The following SUSD5 variants were observed in gnomAD, a reference collection of about 807,000 sequenced individuals.
The protein encoded by SUSD5 is sushi domain-containing protein 5.
In SUSD5, 33 loss-of-function variants were observed where a neutral mutation model predicts 29.5. That is an observed-to-expected ratio of 1.12 (90% CI 0.85 to 1.49). SUSD5 has a LOEUF of 1.49. Among genes scored for constraint, SUSD5 ranks in the 40% most tolerant of loss-of-function variants. The probability of loss-of-function intolerance (pLI) is 0.00; values close to 1 mark genes in which losing one functional copy is unlikely to be tolerated. For synonymous variants in SUSD5, 308 were observed against 325.3 expected, an observed-to-expected ratio of 0.95 and a Z score of 0.57; for missense variants, 776 against 800.6, an observed-to-expected ratio of 0.97 and a Z score of 0.37.
At chr3:33,195,337 G>A (rs2031975734) in intron 3 of SUSD5, among the ~76,000 whole-genome samples, 1 of 152,112 alleles carries the variant, frequency 6.6e-6, no homozygotes, top group South Asian at 2.1e-4. Flanking sequence ...TGCTTACTTA[G>A]TCCCCAATTA....
intron 3 of SUSD5, among the ~76,000 whole-genome samples, chr3:33,176,229 T>A (rs547754918): frequency 2.0e-5 from 3 of 152,250 alleles, no homozygotes; most frequent in Admixed American, 6.5e-5. Context: ...TATCACAGTT[T>A]ATTTATCTAT....
At chr3:33,202,825 T>C (rs1181425307) in intron 3 of SUSD5, among the ~76,000 whole-genome samples, 1 of 152,206 alleles carries the variant, frequency 6.6e-6, no homozygotes, top group Non-Finnish European at 1.5e-5. Flanking sequence ...GAGAAAAGTC[T>C]ACATTCACGA....
chr3:33,191,956 T>G (rs547266240), intron 3 of SUSD5, among the ~76,000 whole-genome samples: 1 of 152,256 alleles, frequency 6.6e-6, no homozygotes, highest in Admixed American at 6.5e-5. Context: ...CCAAAAGAAT[T>G]TATATACCTA....
intron 4 of SUSD5, among the ~76,000 whole-genome samples, chr3:33,173,788 C>T (rs536433933): frequency 2.6e-4 from 39 of 152,282 alleles, no homozygotes; most frequent in African/African-American, 6.7e-4. Flanking sequence ...GTGAGAGGAG[C>T]ACTGTGAGAT....
At chr3:33,190,514 T>C (rs2031869564) in intron 3 of SUSD5, among the ~76,000 whole-genome samples, 1 of 152,244 alleles carries the variant, frequency 6.6e-6, no homozygotes, top group Admixed American at 6.5e-5. Context: ...CTATATATTA[T>C]TCCATTTGTA....
intron 3 of SUSD5, among the ~76,000 whole-genome samples, chr3:33,184,902 C>A (rs2031747361): frequency 6.6e-6 from 1 of 152,244 alleles, no homozygotes; most frequent in South Asian, 2.1e-4. Flanking sequence ...CTATCTGAGT[C>A]TAGCTCTGAT....
chr3:33,195,620 T>G (rs2031980056), intron 3 of SUSD5, among the ~76,000 whole-genome samples: 1 of 152,110 alleles, frequency 6.6e-6, no homozygotes, highest in African/African-American at 2.4e-5. Flanking sequence ...TCCATGGAAT[T>G]ACCAAAACGT....
Position 33,170,219 on chromosome 3 carries a change from G to A in SUSD5, c.598+4667C>T, listed in dbSNP as rs574700811. 4.9e-4 allele frequency among the ~76,000 whole-genome samples: 75 copies of A among 152,094 alleles called. 1 individual carries two copies. Among genetic ancestry groups the A allele is most frequent in the African/African-American group, 1.6e-3 (65 of 41,518 alleles). On this transcript the variant is annotated intron_variant, in intron 4 of 4. Transcript: ENST00000309558. ...CAGGCATGAGCCACCGCGCCCGGCCGCATCAGGACTTTTCTGTAATTAGGG... is the reference window on the plus strand; with the variant it reads ...CAGGCATGAGCCACCGCGCCCGGCCACATCAGGACTTTTCTGTAATTAGGG...
chr3:33,215,403 A>G (rs2032409879), intron 1 of SUSD5, among the ~76,000 whole-genome samples: 1 of 152,226 alleles, frequency 6.6e-6, no homozygotes, highest in African/African-American at 2.4e-5. Context: ...AAAAACCTCA[A>G]AAGACAAAAA....
Position 33,204,953 on chromosome 3 carries a change from T to C in SUSD5, c.409+2855A>G, listed in dbSNP as rs1195388719. Among the ~76,000 whole-genome samples the C allele has an allele frequency of 3.3e-5, 5 of 152,190 alleles. No individual in the cohort carries two copies. Among genetic ancestry groups the C allele is most frequent in the African/African-American group, 1.2e-4 (5 of 41,538 alleles). ...CTTTTTGCTTTATCATTCTCTTCTC[T>C]CTCTTCCTCTCTCCACACCTCTTCC... On this transcript the variant is annotated intron_variant, in intron 3 of 4. Transcript: ENST00000309558. The surrounding 1 kb of genome is among the most constrained non-coding windows in gnomAD (Gnocchi z 4.5).
In SUSD5 at chr3:33,153,021, C is replaced by T. The variant is rs201659670; in HGVS notation, c.1611G>A (p.Leu537=). 96 of 1,613,824 alleles carry T rather than the reference C, an allele frequency of 5.9e-5. No individual in the cohort carries two copies. In the African/African-American group the frequency reaches 9.6e-4, roughly 16 times the overall value. Residue 537 remains leucine (L), a synonymous_variant, in exon 5 of 5, where the codon CTG becomes CTA. Coordinates refer to ENST00000309558, the MANE Select transcript of SUSD5 (RefSeq NM_015551.2). ...PEIQDSFPYL[L]SEDFFGQEGP... ...CTTCCTGTCCAAAGAAGTCTTCAGA[C>T]AGCAGGTATGGGAAGCTATCCTGGA...
Position 33,203,306 on chromosome 3 carries a change from T to C in SUSD5, c.409+4502A>G, listed in dbSNP as rs148037253. Among the ~76,000 whole-genome samples the C allele has an allele frequency of 3.4e-3, 506 of 150,428 alleles. 2 individuals carry two copies. Among genetic ancestry groups the C allele is most frequent in the Non-Finnish European group, 5.0e-3 (336 of 67,622 alleles). On this transcript the variant is annotated intron_variant, in intron 3 of 4. Transcript: ENST00000309558. ...CTCTCTGAGTAACTGTGGGAATCCA[T>C]CCTGCTTTTCTGTTAAGCCCCAGGA... is the stretch of plus-strand genomic sequence containing the variant.
In SUSD5 at chr3:33,167,069, C is replaced by T. The variant is rs1559446379; in HGVS notation, c.598+7817G>A. Among the ~76,000 whole-genome samples the T allele has an allele frequency of 6.6e-6, 1 of 152,086 alleles. No individual in the cohort carries two copies. The highest frequency in any genetic ancestry group is 1.9e-4 in the East Asian group (1 of 5,186). The stretch of plus-strand genomic sequence containing the variant: ...TGGTGCGTGCCTGTAATCCCAGGTA[C>T]TCAGGACGCTGAGGCAGAAGAACAG... On this transcript the variant is annotated intron_variant, in intron 4 of 4. Coordinates refer to ENST00000309558, the MANE Select transcript of SUSD5 (RefSeq NM_015551.2). This position sits in a 1 kb window ranked among gnomAD's most constrained non-coding sequence, Gnocchi z 4.1.
Position 33,152,475 on chromosome 3 carries a change from G to T in SUSD5, c.*267C>A. 2.3e-6 allele frequency: 1 copy of T among 426,690 alleles called. No homozygotes were observed. Among genetic ancestry groups the T allele is most frequent in the Non-Finnish European group, 4.1e-6 (1 of 241,700 alleles). The allele number at this position is 426,690 out of a possible 1,614,324, so 26.4% of individuals were successfully genotyped here. On this transcript the variant is annotated 3_prime_UTR_variant, in exon 5 of 5. Transcript: ENST00000309558. The stretch of plus-strand genomic sequence containing the variant: ...AAGAGGCGATTTTTGACCTCACACT[G>T]GAAACAGGGCCCAAGCACAGGTCTG...
At chr3:33,206,740 A>T (rs1242012700) in intron 3 of SUSD5, among the ~76,000 whole-genome samples, 1 of 152,182 alleles carries the variant, frequency 6.6e-6, no homozygotes, top group Non-Finnish European at 1.5e-5. Context: ...ACTTTCAACA[A>T]GTTCTTCTGG....
chr3:33,213,369 AC>A (rs1163314307), intron 2 of SUSD5, among the ~76,000 whole-genome samples: 1 of 150,544 alleles, frequency 6.6e-6, no homozygotes, highest in Non-Finnish European at 1.5e-5. Context: ...GTGCCACAGC[AC>A]TCCAGCCTGG....
At position 33,212,737 on chromosome 3, in the gene SUSD5, A is replaced by G. The variant is rs567537454; in HGVS notation, c.290+1191T>C. Among the ~76,000 whole-genome samples, 11 of 152,196 alleles carry G rather than the reference A, an allele frequency of 7.2e-5. No homozygotes were observed. In the South Asian group the frequency reaches 2.3e-3, roughly 32 times the overall value. ...AGCACACCCATCTCAGCACAGTCAG[A>G]CTCCTCATGGCATCTCAAGGCTACA... On this transcript the variant is annotated intron_variant, in intron 2 of 4. Coordinates refer to ENST00000309558, the MANE Select transcript of SUSD5 (RefSeq NM_015551.2).
rs2031848565 is a variant in SUSD5, at chr3:33,189,524, A to G, written c.410-14450T>C. ...AAAAATTCTAGAATGAAATGATATA[A>G]TGTCCTGGATTTGCTTTAAAATATC... On this transcript the variant is annotated intron_variant, in intron 3 of 4. Coordinates refer to ENST00000309558, the MANE Select transcript of SUSD5 (RefSeq NM_015551.2). 4.0e-5 allele frequency among the ~76,000 whole-genome samples: 6 copies of G among 151,668 alleles called. No homozygotes were observed. The South Asian group carries it at 1.2e-3, about 32-fold the overall frequency.
At chr3:33,181,516 G>A (rs1264484572) in intron 3 of SUSD5, among the ~76,000 whole-genome samples, 1 of 151,944 alleles carries the variant, frequency 6.6e-6, no homozygotes, top group East Asian at 1.9e-4. Context: ...GAGACCAAGA[G>A]CACGTGCCAC....
Sources: allele counts gnomAD v4.1 joint callset (sites outside exome capture counted in the v4.1 genomes callset), GRCh38; gene constraint gnomAD v4.1.1; non-coding constraint Gnocchi (gnomAD v3.1); transcripts MANE v1.5; gene names NCBI Gene and HGNC (gene_info 2026-07-23, HGNC 2026-07-21).